SUGCT: variants seen among roughly 807,000 people sequenced by gnomAD.
SUGCT encodes the protein succinyl-CoA:glutarate-CoA transferase.
A neutral mutation model predicts 55.0 loss-of-function variants in SUGCT; 41 were observed. The observed-to-expected ratio is 0.74, with a 90% CI of 0.58 to 0.97. SUGCT has a LOEUF of 0.97. Ranked by LOEUF, SUGCT falls within the 50% of genes least tolerant of loss-of-function variation. The pLI, the probability that SUGCT is intolerant of heterozygous loss-of-function variation, is 0.00. For missense variants in SUGCT, 568 were observed against 547.8 expected (o/e 1.04, Z -0.37); for synonymous variants, 187 against 200.4 (o/e 0.93, Z 0.56).
chr7:41,006,424 A>G, the SUGCT span, among the ~76,000 whole-genome samples: 16 of 151,946 alleles, frequency 1.1e-4, no homozygotes, highest in African/African-American at 3.9e-4. Context: ...TGAAAGAGCT[A>G]CTTGAGTGCA....
At chr7:40,888,165 A>G in the SUGCT span, among the ~76,000 whole-genome samples, 1 of 152,140 alleles carries the variant, frequency 6.6e-6, no homozygotes, top group Non-Finnish European at 1.5e-5. Flanking sequence ...ACCGAGAGGA[A>G]CTCATGTTCG....
At chr7:40,637,580 G>T (rs1429412073) in intron 12 of SUGCT, among the ~76,000 whole-genome samples, 1 of 152,132 alleles carries the variant, frequency 6.6e-6, no homozygotes, top group Non-Finnish European at 1.5e-5. Flanking sequence ...AGAACACATG[G>T]CTCTCTAGAC....
At chr7:40,890,068 A>G in the SUGCT span, among the ~76,000 whole-genome samples, 4 of 151,772 alleles carry the variant, frequency 2.6e-5, no homozygotes, top group Non-Finnish European at 4.4e-5. Context: ...CACTGATTCA[A>G]TCATTGAATG....
At chr7:40,966,028 T>TA in the SUGCT span, 2 of 152,198 alleles carry the variant, frequency 1.3e-5, no homozygotes, top group African/African-American at 4.8e-5. Flanking sequence ...AAACCCTTTT[T>TA]AAAAAAATAA....
the SUGCT span, among the ~76,000 whole-genome samples, chr7:40,995,662 A>G: frequency 6.9e-6 from 1 of 145,166 alleles, no homozygotes; most frequent in Non-Finnish European, 1.6e-5. Flanking sequence ...CTATTTTCGT[A>G]TCATCATCAT....
intron 1 of SUGCT, chr7:40,153,741 C>A: frequency 2.2e-6 from 1 of 462,222 alleles, no homozygotes. Flanking sequence ...CAAACAACAT[C>A]ACATCTTTAT....
chr7:40,441,513 G>A (rs1788513821), intron 9 of SUGCT, among the ~76,000 whole-genome samples: 1 of 152,026 alleles, frequency 6.6e-6, no homozygotes, highest in Non-Finnish European at 1.5e-5. Context: ...GAATGTTGAA[G>A]CAAATTTTGA....
rs918138099 is a variant in SUGCT, at chr7:40,304,759, A to C, written c.721-12001A>C. 1.7e-3 allele frequency among the ~76,000 whole-genome samples: 169 copies of C among 101,666 alleles called. 2 individuals are homozygous for C. In the South Asian group the frequency reaches 0.025, roughly 15 times the overall value. The allele number at this position is 101,666 out of a possible 152,430, so 66.7% of individuals were successfully genotyped here. On this transcript the variant is annotated intron_variant, in intron 8 of 13. Coordinates refer to ENST00000335693, the MANE Select transcript of SUGCT (RefSeq NM_001193313.2). ...TAATAATAATAATAATAATAATAAT[A>C]ATCATCCAGGTTGCTGTTAATGTCA...
At chr7:40,805,211 G>A (rs376300897) in intron 13 of SUGCT, among the ~76,000 whole-genome samples, 6 of 152,216 alleles carry the variant, frequency 3.9e-5, no homozygotes, top group African/African-American at 1.2e-4. Context: ...TGTCTCTAAA[G>A]GCACATGAAT....
At chr7:40,922,071 T>C in the SUGCT span, among the ~76,000 whole-genome samples, 14 of 152,122 alleles carry the variant, frequency 9.2e-5, no homozygotes, top group Non-Finnish European at 7.4e-5. Context: ...CTTCCCGTAT[T>C]TGTCACCCCC....
intron 9 of SUGCT, among the ~76,000 whole-genome samples, chr7:40,373,047 T>TGG (rs1784365344): frequency 6.6e-6 from 1 of 151,986 alleles, no homozygotes; most frequent in South Asian, 2.1e-4. Flanking sequence ...TAATTGTGTA[T>TGG]CATAGTAGTA....
At chr7:40,295,906 AGGTGCTGCTGAT>A (rs1794110787) in intron 8 of SUGCT, among the ~76,000 whole-genome samples, 1 of 152,202 alleles carries the variant, frequency 6.6e-6, no homozygotes, top group African/African-American at 2.4e-5. Context: ...TCTGTAGTGT[AGGTGCTGCTGAT>A]GGCAGAACTA....
At chr7:41,009,046 G>T in the SUGCT span, among the ~76,000 whole-genome samples, 269 of 152,172 alleles carry the variant, frequency 1.8e-3, 3 homozygotes, top group Middle Eastern at 6.8e-3. Context: ...TGGGGAAAAT[G>T]CAGTTCTAAA....
At chr7:40,898,691 T>TC in the SUGCT span, among the ~76,000 whole-genome samples, 1 of 150,924 alleles carries the variant, frequency 6.6e-6, no homozygotes, top group African/African-American at 2.4e-5. Flanking sequence ...GCCGCGAGAC[T>TC]CCGTCTAAAA....
At chr7:40,981,363 C>T in the SUGCT span, among the ~76,000 whole-genome samples, 1 of 152,168 alleles carries the variant, frequency 6.6e-6, no homozygotes, top group Non-Finnish European at 1.5e-5. Context: ...TTTCTGTCCC[C>T]TTTAGTTCAC....
chr7:40,891,506 T>C, the SUGCT span, among the ~76,000 whole-genome samples: 1 of 152,090 alleles, frequency 6.6e-6, no homozygotes, highest in African/African-American at 2.4e-5. Flanking sequence ...TGAGATGATA[T>C]ATAAAGTACT....
At chr7:40,200,193 T>C (rs373778840) in intron 6 of SUGCT, among the ~76,000 whole-genome samples, 1 of 152,220 alleles carries the variant, frequency 6.6e-6, no homozygotes, top group East Asian at 1.9e-4. Flanking sequence ...CAACTATTTC[T>C]TGATCTTCTG....
intron 12 of SUGCT, among the ~76,000 whole-genome samples, chr7:40,588,617 ATT>A (rs941513951): frequency 3.3e-5 from 5 of 152,222 alleles, no homozygotes; most frequent in African/African-American, 1.2e-4. Context: ...AATGATTATG[ATT>A]TAAGCATTTC....
chr7:40,745,508 A>T (rs181324573), intron 12 of SUGCT, among the ~76,000 whole-genome samples: 1 of 152,292 alleles, frequency 6.6e-6, no homozygotes, highest in Admixed American at 6.5e-5. Flanking sequence ...TGACTCTGTC[A>T]TTAGGCTGTC....
Sources: gnomAD v4.1 joint callset for allele counts (sites outside exome capture counted in the v4.1 genomes callset) on GRCh38, gnomAD v4.1.1 for gene constraint, MANE v1.5 for transcripts, NCBI Gene and HGNC (gene_info 2026-07-23, HGNC 2026-07-21) for gene names.